The following RGS22 variants were observed in gnomAD, a reference collection of about 807,000 sequenced individuals.
RGS22 encodes the protein regulator of G-protein signaling 22.
Under a neutral mutation model 172.9 loss-of-function variants are expected in RGS22, and 148 were observed. The ratio of observed to expected loss-of-function variants is 0.86; its 90% CI spans 0.75 to 0.98. RGS22 has a LOEUF of 0.98. RGS22 is among the 50% of genes least tolerant of loss of function. RGS22 has a pLI of 0.00. For synonymous variants in RGS22, 458 were observed against 480.2 expected (o/e 0.95, Z 0.60); for missense variants, 1,347 against 1,440.8 (o/e 0.93, Z 1.05).
chr8:100,001,174 C>T (rs924423088), intron 18 of RGS22, among the ~76,000 whole-genome samples: 37 of 139,464 alleles, frequency 2.7e-4, no homozygotes, highest in Non-Finnish European at 1.8e-4. Context: ...GTTACATGAA[C>T]ACAAACCTAC....
chr8:99,962,694 G>A lies in RGS22; in HGVS notation c.3783C>T (p.Ser1261=). 1 of 1,606,052 alleles carries A rather than the reference G, an allele frequency of 6.2e-7. No individual in the cohort carries two copies. The change falls in exon 26 of 28, where the codon AGC becomes AGT. Residue 1261 remains serine (S), a synonymous_variant. Coordinates refer to ENST00000360863, the MANE Select transcript of RGS22 (RefSeq NM_015668.5). ...MSLKKNMSAH[S]SQK is the part of the protein sequence containing the mutation. ...ACTACACTGGAAACTCACTCTGGCT[G>A]CTGTGGGCAGACATATTCTTTTTCA...
chr8:100,104,329 CGTGTGTGT>C lies in RGS22; in HGVS notation c.54+1037_54+1044del, dbSNP rs34385626. On this transcript the variant is annotated intron_variant, in intron 2 of 27. Coordinates refer to ENST00000360863, the MANE Select transcript of RGS22 (RefSeq NM_015668.5). ...GAGAGACCCTGTCTCAAAATATGTG[CGTGTGTGT>C]GTGTGTGTGTGTGTGTGTGTGTGTA... 2.3e-3 allele frequency among the ~76,000 whole-genome samples: 317 copies of C among 140,396 alleles called. 3 individuals are homozygous for C. Among genetic ancestry groups the C allele is most frequent in the South Asian group, 9.7e-3 (42 of 4,332 alleles). 92.1% of individuals were successfully genotyped at this position (140,396 alleles called of 152,430 possible).
intron 14 of RGS22, among the ~76,000 whole-genome samples, chr8:100,021,597 C>T (rs1437560017): frequency 6.6e-6 from 1 of 152,164 alleles, no homozygotes; most frequent in Non-Finnish European, 1.5e-5. Context: ...AATCACTTCA[C>T]AGATCATCTT....
intron 22 of RGS22, among the ~76,000 whole-genome samples, chr8:99,978,492 T>G (rs941167795): frequency 6.6e-6 from 1 of 152,198 alleles, no homozygotes; most frequent in African/African-American, 2.4e-5. Flanking sequence ...TCCTCCCTCT[T>G]TTCTTTCTTT....
rs189210135 is a variant in RGS22 at position 100,069,401 on chromosome 8, C to T, written c.594+1968G>A. Among the ~76,000 whole-genome samples, 12 of 152,262 alleles carry T rather than the reference C, an allele frequency of 7.9e-5. No individual in the cohort carries two copies. In the East Asian group the frequency reaches 2.1e-3, roughly 27 times the overall value. ...AGAATTGTGTATTAGAAGTATAGTT[C>T]CAGAGATAAGATCTAACAATTAGAG... On this transcript the variant is annotated intron_variant, in intron 6 of 27. Transcript: ENST00000360863.
chr8:99,974,663 C>A (rs946165453), intron 23 of RGS22, among the ~76,000 whole-genome samples: 1 of 150,090 alleles, frequency 6.7e-6, no homozygotes, highest in Non-Finnish European at 1.5e-5. Flanking sequence ...CCAGGTGTGG[C>A]AACAGGTGCC....
chr8:99,980,784 C>T (rs535823311), intron 22 of RGS22, among the ~76,000 whole-genome samples: 5 of 152,236 alleles, frequency 3.3e-5, no homozygotes, highest in East Asian at 3.9e-4. Flanking sequence ...AGACATTTAC[C>T]GTCAGACTCA....
Position 100,014,678 on chromosome 8 carries a change from C to T in RGS22, c.2167-6109G>A, listed in dbSNP as rs146622382. 4.9e-3 allele frequency among the ~76,000 whole-genome samples: 739 copies of T among 152,270 alleles called. 10 individuals are homozygous for T. Among genetic ancestry groups the T allele is most frequent in the Admixed American group, 0.019 (287 of 15,300 alleles). On this transcript the variant is annotated intron_variant, in intron 14 of 27. Coordinates refer to ENST00000360863, the MANE Select transcript of RGS22 (RefSeq NM_015668.5). ...CTTTGCTGATTCCTTTTCCTCCATTCCTCCCTTAAAAGATGACACTCACTA... is the reference window on the plus strand; with the variant it reads ...CTTTGCTGATTCCTTTTCCTCCATTTCTCCCTTAAAAGATGACACTCACTA...
At position 100,004,064 on chromosome 8, in the gene RGS22, G is replaced by A. The variant is rs199671653; in HGVS notation, c.2489C>T (p.Ser830Leu). The change falls in exon 17 of 28, where the codon TCA (serine) becomes TTA (leucine). Residue 830 changes from serine to leucine, a missense_variant. By Grantham distance (145) the Ser-to-Leu change is moderately radical. Coordinates refer to ENST00000360863, the MANE Select transcript of RGS22 (RefSeq NM_015668.5). ...TTCEIGTGIL[S>L]LSNVSKRTEY... The stretch of plus-strand genomic sequence containing the variant: ...TGTTCGTTTAGAGACGTTAGAGAGT[G>A]ATAAAATGCCAGTTCCAATTTCACA... The A allele has an allele frequency of 4.9e-4, 783 of 1,602,178 alleles. No homozygotes were observed. The highest frequency in any genetic ancestry group is 6.5e-4 in the Non-Finnish European group (764 of 1,173,782).
intron 18 of RGS22, among the ~76,000 whole-genome samples, chr8:100,000,032 G>GA (rs1167218444): frequency 2.0e-5 from 3 of 152,154 alleles, no homozygotes; most frequent in Non-Finnish European, 4.4e-5. Flanking sequence ...ACAGGAAACA[G>GA]AAAAAGGTCA....
intron 9 of RGS22, among the ~76,000 whole-genome samples, chr8:100,061,033 T>C (rs1586170346): frequency 1.3e-5 from 2 of 152,212 alleles, no homozygotes; most frequent in African/African-American, 2.4e-5. Context: ...CTATCTGATC[T>C]TTGAAAAACC....
At chr8:99,975,604 C>CAAA (rs201476595) in intron 23 of RGS22, among the ~76,000 whole-genome samples, 1 of 136,010 alleles carries the variant, frequency 7.4e-6, no homozygotes, top group African/African-American at 2.7e-5. Flanking sequence ...ATTAGATGAC[C>CAAA]AAAAAAAAAA....
intron 14 of RGS22, among the ~76,000 whole-genome samples, chr8:100,020,732 A>G (rs1396186319): frequency 6.6e-6 from 1 of 152,248 alleles, no homozygotes; most frequent in East Asian, 1.9e-4. Context: ...ACTTACAATT[A>G]AAGAAATTAT....
rs3133680 is a variant in RGS22 at position 100,016,452 on chromosome 8, C to T, written c.2167-7883G>A. Among the ~76,000 whole-genome samples the T allele has an allele frequency of 7.6e-3, 1,154 of 152,166 alleles. 51 individuals carry two copies. The East Asian group carries it at 0.11, about 14-fold the overall frequency. The stretch of plus-strand genomic sequence containing the variant: ...TTCTCTTTGTTCAAGAATATCAACC[C>T]CCATCTGACAACCAGCATAATCCTT... On this transcript the variant is annotated intron_variant, in intron 14 of 27. Transcript: ENST00000360863.
intron 27 of RGS22, 52 bp downstream of exon 27, chr8:99,962,342 G>T: frequency 9.0e-7 from 1 of 1,114,796 alleles, no homozygotes; most frequent in Non-Finnish European, 1.4e-6. Context: ...ACATGAATGA[G>T]TGTATTACGA....
At chr8:100,022,526 TAAAC>T (rs889026803) in intron 14 of RGS22, among the ~76,000 whole-genome samples, 2 of 151,814 alleles carry the variant, frequency 1.3e-5, no homozygotes, top group African/African-American at 2.4e-5. Flanking sequence ...TGAAATAAAA[TAAAC>T]AAGCACACAG....
chr8:99,991,677 A>T (rs1022141383), intron 20 of RGS22, among the ~76,000 whole-genome samples: 1 of 152,222 alleles, frequency 6.6e-6, no homozygotes, highest in Non-Finnish European at 1.5e-5. Flanking sequence ...GAATGGAACC[A>T]AGTTGGAAAA....
intron 9 of RGS22, 114 bp downstream of exon 9, chr8:100,062,477 A>G (rs1223157674): frequency 1.4e-6 from 1 of 689,838 alleles, no homozygotes; most frequent in Non-Finnish European, 2.4e-6. Flanking sequence ...CCAAAGATAC[A>G]ATAGTCTTGT....
intron 16 of RGS22, among the ~76,000 whole-genome samples, chr8:100,005,211 C>T (rs956282836): frequency 1.3e-5 from 2 of 151,700 alleles, no homozygotes; most frequent in Admixed American, 6.6e-5. Flanking sequence ...CAGATATGTA[C>T]AAAGAAGAAA....
Sources: gnomAD v4.1 joint callset for allele counts (sites outside exome capture counted in the v4.1 genomes callset) on GRCh38, gnomAD v4.1.1 for gene constraint, MANE v1.5 for transcripts, NCBI Gene and HGNC (gene_info 2026-07-23, HGNC 2026-07-21) for gene names.